The following TUSC3 variants were observed in gnomAD, a reference collection of about 807,000 sequenced individuals.
TUSC3 encodes the protein tumor suppressor candidate 3, also known as dolichyl-diphosphooligosaccharide--protein glycosyltransferase subunit TUSC3.
A neutral mutation model predicts 44.8 loss-of-function variants in TUSC3; 45 were observed. The ratio of observed to expected loss-of-function variants is 1.00; its 90% CI spans 0.79 to 1.29. The LOEUF is 1.29. Ranked by LOEUF, TUSC3 falls within the 50% of genes most tolerant of loss-of-function variation. The pLI is 0.00. For synonymous variants in TUSC3, 212 were observed against 152.9 expected (o/e 1.39, Z -2.85); for missense variants, 519 against 437.9 (o/e 1.19, Z -1.65).
chr8:15,756,149 A>T (rs934086169), intron 9 of TUSC3, among the ~76,000 whole-genome samples: 3 of 152,220 alleles, frequency 2.0e-5, no homozygotes, highest in Non-Finnish European at 4.4e-5. Context: ...TGTATTAGCT[A>T]GAGCTCTAGC....
chr8:15,544,329 G>A (rs1377928184), intron 1 of TUSC3, among the ~76,000 whole-genome samples: 2 of 147,626 alleles, frequency 1.4e-5, no homozygotes, highest in African/African-American at 4.9e-5. Context: ...CTGATAATGT[G>A]AAAAGAGCTC....
At chr8:15,479,602 G>A (rs1800631448) in intron 1 of TUSC3, among the ~76,000 whole-genome samples, 1 of 152,038 alleles carries the variant, frequency 6.6e-6, no homozygotes, top group South Asian at 2.1e-4. Context: ...GTAGATATGT[G>A]TTCTTATTTC....
chr8:15,421,926 C>A (rs1222974974), intron 1 of TUSC3, among the ~76,000 whole-genome samples: 1 of 152,104 alleles, frequency 6.6e-6, no homozygotes, highest in Non-Finnish European at 1.5e-5. Flanking sequence ...CAATTGTTTT[C>A]TTTTAAAAAA....
At chr8:15,599,063 A>T (rs549836288) in intron 1 of TUSC3, among the ~76,000 whole-genome samples, 1 of 151,872 alleles carries the variant, frequency 6.6e-6, no homozygotes, top group Non-Finnish European at 1.5e-5. Context: ...CCTACCAGCA[A>T]TGAATGAGAA....
At chr8:15,647,899 G>A (rs1806703355) in intron 2 of TUSC3, among the ~76,000 whole-genome samples, 2 of 152,006 alleles carry the variant, frequency 1.3e-5, no homozygotes, top group African/African-American at 2.4e-5. Context: ...CACTTGTTTA[G>A]GAAACTTTTT....
At chr8:15,475,713 T>C (rs1800566158) in intron 1 of TUSC3, among the ~76,000 whole-genome samples, 1 of 152,214 alleles carries the variant, frequency 6.6e-6, no homozygotes, top group South Asian at 2.1e-4. Context: ...TTAAGTGTGT[T>C]GTTGTCTTAG....
chr8:15,503,870 C>T (rs924313955), intron 2 of TUSC3, among the ~76,000 whole-genome samples: 1 of 151,984 alleles, frequency 6.6e-6, no homozygotes, highest in African/African-American at 2.4e-5. Context: ...GGCTCCACAG[C>T]TGGGTGTGGT....
At chr8:15,535,142 G>T (rs1392661235) in intron 2 of TUSC3, among the ~76,000 whole-genome samples, 1 of 152,066 alleles carries the variant, frequency 6.6e-6, no homozygotes, top group African/African-American at 2.4e-5. Context: ...AAATATAAAA[G>T]CATATTCAAA....
At chr8:15,559,177 C>G (rs1056083562) in intron 1 of TUSC3, among the ~76,000 whole-genome samples, 2 of 141,538 alleles carry the variant, frequency 1.4e-5, no homozygotes, top group African/African-American at 5.2e-5. Context: ...GCTTTGAATG[C>G]GTCCCAGAGA....
At chr8:15,731,097 G>A (rs911974569) in intron 7 of TUSC3, among the ~76,000 whole-genome samples, 12 of 151,998 alleles carry the variant, frequency 7.9e-5, no homozygotes, top group Admixed American at 1.3e-4. Flanking sequence ...AGGTATTTTC[G>A]TACTGCTCCC....
intron 2 of TUSC3, among the ~76,000 whole-genome samples, chr8:15,494,370 T>A (rs1443939127): frequency 6.8e-6 from 1 of 147,828 alleles, no homozygotes; most frequent in Non-Finnish European, 1.5e-5. Flanking sequence ...CAGGCTGGAG[T>A]GCAGTGGCGC....
chr8:15,667,140 A>C (rs1446797693), intron 5 of TUSC3, among the ~76,000 whole-genome samples: 2 of 151,562 alleles, frequency 1.3e-5, no homozygotes, highest in Non-Finnish European at 3.0e-5. Context: ...CCTTAATCCA[A>C]CTCAATAGTG....
chr8:15,728,656 A>G (rs1034758111), intron 6 of TUSC3, among the ~76,000 whole-genome samples: 26 of 152,184 alleles, frequency 1.7e-4, no homozygotes, highest in African/African-American at 6.3e-4. Context: ...GTTTCGTTTT[A>G]GCTGTTATCA....
intron 2 of TUSC3, among the ~76,000 whole-genome samples, chr8:15,531,655 A>G (rs1404241294): frequency 6.6e-6 from 1 of 152,198 alleles, no homozygotes; most frequent in Admixed American, 6.5e-5. Context: ...TCTTCTGAGA[A>G]GGCAAGAATT....
rs867323206 is a variant in TUSC3 at position 15,512,982 on chromosome 8, C to A, written n.189+29499C>A. ...TATGATTCTTTTTCTCTGGAAAATT[C>A]TCACTCATACATAAGTCAAATTTTT... On this transcript the variant is annotated intron_variant and non_coding_transcript_variant, in intron 2 of 5. Coordinates refer to the TUSC3 transcript ENST00000503191. 4.4e-5 allele frequency among the ~76,000 whole-genome samples: 6 copies of A among 135,120 alleles called. No individual in the cohort carries two copies. The East Asian group carries it at 1.3e-3, about 30-fold the overall frequency. 88.6% of individuals were successfully genotyped at this position (135,120 alleles called of 152,430 possible). A position where few individuals can be genotyped will look rare whatever the true frequency, so the allele number is the denominator to read the frequency against.
the TUSC3 span, among the ~76,000 whole-genome samples, chr8:15,786,744 T>G: frequency 6.6e-6 from 1 of 151,510 alleles, no homozygotes; most frequent in Non-Finnish European, 1.5e-5. Context: ...GAGTTCAAGA[T>G]CAGTATGGCC....
Position 15,619,775 on chromosome 8 carries a change from G to T in TUSC3, c.139-3305G>T, listed in dbSNP as rs539203910. Among the ~76,000 whole-genome samples, 4 of 152,284 alleles carry T rather than the reference G, an allele frequency of 2.6e-5. No individual in the cohort carries two copies. The East Asian group carries it at 5.8e-4, about 22-fold the overall frequency. On this transcript the variant is annotated intron_variant, in intron 1 of 10. Transcript: ENST00000503731. ...GCTGCCTGCCTCGGCCTCCCAAAGT[G>T]CTGGGATTACAGGCGTGAGCCACCG...
chr8:15,489,506 C>T (rs1288403843), intron 2 of TUSC3, among the ~76,000 whole-genome samples: 1 of 152,176 alleles, frequency 6.6e-6, no homozygotes, highest in Non-Finnish European at 1.5e-5. Flanking sequence ...AGAGGTTTCT[C>T]TGCAGAATAT....
the TUSC3 span, among the ~76,000 whole-genome samples, chr8:15,838,820 G>C: frequency 4.2e-3 from 637 of 152,204 alleles, 5 homozygotes; most frequent in Non-Finnish European, 7.3e-3. Context: ...TTTTGGCTTA[G>C]GATTGTCTTG....
Sources: gnomAD v4.1 joint callset for allele counts (sites outside exome capture counted in the v4.1 genomes callset) on GRCh38, gnomAD v4.1.1 for gene constraint, MANE v1.5 for transcripts, NCBI Gene and HGNC (gene_info 2026-07-23, HGNC 2026-07-21) for gene names.